Variants in SHROOM3 observed in about 807,000 individuals in gnomAD.
The protein encoded by SHROOM3 is shroom family member 3, also known as protein Shroom3.
SHROOM3 carries 47 observed loss-of-function variants against 138.6 expected under a neutral mutation model. The observed-to-expected ratio is 0.34, with a 90% confidence interval of 0.27 to 0.43. SHROOM3 has a LOEUF of 0.43. Among genes scored for constraint, SHROOM3 ranks in the 20% least tolerant of loss-of-function variants. SHROOM3 has a pLI of 1.00. For synonymous variants in SHROOM3, 1,062 were observed against 1,063.3 expected (o/e 1.00, Z 0.02); for missense variants, 2,491 against 2,596.5 (o/e 0.96, Z 0.88).
At chr4:76,555,898 T>C in intron 2 of SHROOM3, 135 bp downstream of exon 2, 1 of 954,596 alleles carries the variant, frequency 1.0e-6, no homozygotes, top group East Asian at 2.6e-5. Flanking sequence ...CTGCCTTTTT[T>C]TCTTTTTTCT....
rs61374645 is a variant in SHROOM3, at chr4:76,646,225, A to AATAAATATATATATATATATATAT, written c.324-63928_324-63927insAATATATATATATATATATATATA. On this transcript the variant is annotated intron_variant, in intron 2 of 10. Transcript: ENST00000296043. ...CCTAGAACTTAAAGTATAATAAATA[A>AATAAATATATATATATATATATAT]ATATATATATATATATATATATAAA... 2.8e-3 allele frequency among the ~76,000 whole-genome samples: 265 copies of AATAAATATATATATATATATATAT among 95,940 alleles called. 1 individual carries two copies. The highest frequency in any genetic ancestry group is 9.0e-3 in the South Asian group (22 of 2,458). The allele number at this position is 95,940 out of a possible 152,430, so 62.9% of individuals were successfully genotyped here.
chr4:76,531,760 A>G (rs930293201), intron 1 of SHROOM3, among the ~76,000 whole-genome samples: 1 of 152,198 alleles, frequency 6.6e-6, no homozygotes, highest in Non-Finnish European at 1.5e-5. Flanking sequence ...AAAGATAATT[A>G]ATTCCAAACT....
chr4:76,778,765 C>A, intron 10 of SHROOM3, 44 bp from the exon 11 acceptor site: 1 of 1,611,606 alleles, frequency 6.2e-7, no homozygotes, highest in Non-Finnish European at 8.5e-7. Flanking sequence ...GCTCTTTTCT[C>A]CCTTTCCCTG....
intron 2 of SHROOM3, among the ~76,000 whole-genome samples, chr4:76,587,963 C>T (rs193014894): frequency 8.7e-4 from 132 of 152,266 alleles, no homozygotes; most frequent in African/African-American, 3.0e-3. Context: ...ATATATAAAT[C>T]AAAGGTAATT....
At chr4:76,477,675 T>C (rs1044705431) in intron 1 of SHROOM3, among the ~76,000 whole-genome samples, 1 of 152,194 alleles carries the variant, frequency 6.6e-6, no homozygotes, top group African/African-American at 2.4e-5. Flanking sequence ...GATGTGATTT[T>C]GTGGCTGGCA....
chr4:76,538,768 A>T (rs1380871915), intron 1 of SHROOM3, among the ~76,000 whole-genome samples: 1 of 152,204 alleles, frequency 6.6e-6, no homozygotes, highest in African/African-American at 2.4e-5. Context: ...ATTTGGCCAT[A>T]TCTGCAGATG....
At position 76,741,810 on chromosome 4, in the gene SHROOM3, G is replaced by C. The variant is rs768772906; in HGVS notation, c.3637G>C (p.Gly1213Arg). 2.5e-6 allele frequency: 4 copies of C among 1,588,032 alleles called. No homozygotes were observed. In the Admixed American group the frequency reaches 7.1e-5, roughly 28 times the overall value. Residue 1213 changes from glycine to arginine, a missense_variant, in exon 5 of 11, where the codon GGG becomes CGG. By Grantham distance (125) the Gly-to-Arg change is moderately radical. Around this residue, in one of 4 missense-constraint regions of SHROOM3, gnomAD observed 1,733 missense variants for 1,661.6 expected, o/e 1.04. Transcript: ENST00000296043. The surrounding 1 kb of genome is among the most constrained non-coding windows in gnomAD (Gnocchi z 6.2). ...DETPREPSSW[G>R]ARAGKSMSAE... ...GACCCCCAGGGAGCCATCCTCCTGG[G>C]GGGCCAGGGCCGGGAAGTCCATGTC...
chr4:76,516,564 C>A (rs1419711581), intron 1 of SHROOM3, among the ~76,000 whole-genome samples: 1 of 151,742 alleles, frequency 6.6e-6, no homozygotes, highest in Non-Finnish European at 1.5e-5. Context: ...CAGCACTTTG[C>A]TCATAATATA....
chr4:76,591,885 G>A (rs1252310377), intron 2 of SHROOM3, among the ~76,000 whole-genome samples: 2 of 152,182 alleles, frequency 1.3e-5, no homozygotes, highest in African/African-American at 4.8e-5. Context: ...GTTTGGAGCT[G>A]TGAATAAAAG....
intron 2 of SHROOM3, among the ~76,000 whole-genome samples, chr4:76,680,559 A>G (rs996772122): frequency 3.3e-5 from 5 of 152,204 alleles, no homozygotes; most frequent in African/African-American, 1.2e-4. Context: ...CTCCCACATA[A>G]TCGTCACTCA....
intron 1 of SHROOM3, among the ~76,000 whole-genome samples, chr4:76,480,190 G>A (rs1190502890): frequency 6.6e-6 from 1 of 152,180 alleles, no homozygotes; most frequent in Non-Finnish European, 1.5e-5. Flanking sequence ...GACACAGACT[G>A]GCAAATTGGA....
At chr4:76,606,934 A>G (rs78020015) in intron 2 of SHROOM3, among the ~76,000 whole-genome samples, 1 of 152,242 alleles carries the variant, frequency 6.6e-6, no homozygotes, top group African/African-American at 2.4e-5. Context: ...CATATTTTTT[A>G]CCAAATCAGC....
intron 2 of SHROOM3, among the ~76,000 whole-genome samples, chr4:76,690,635 T>C (rs532708121): frequency 2.0e-5 from 3 of 152,334 alleles, no homozygotes; most frequent in African/African-American, 7.2e-5. Flanking sequence ...GCTAGATCTT[T>C]CCCCCAAAAA....
chr4:76,662,844 T>C (rs543216330), intron 2 of SHROOM3, among the ~76,000 whole-genome samples: 1 of 151,708 alleles, frequency 6.6e-6, no homozygotes, highest in African/African-American at 2.4e-5. Flanking sequence ...ATTGCGACAG[T>C]GTGCTCCAGC....
intron 9 of SHROOM3, among the ~76,000 whole-genome samples, chr4:76,766,914 T>G (rs1488962357): frequency 6.6e-6 from 1 of 152,170 alleles, no homozygotes; most frequent in Admixed American, 6.5e-5. Context: ...CAGCAAATAT[T>G]AATAACTTTC....
chr4:76,622,752 T>C (rs1001464799), intron 2 of SHROOM3, among the ~76,000 whole-genome samples: 3 of 152,146 alleles, frequency 2.0e-5, no homozygotes, highest in African/African-American at 2.4e-5. Flanking sequence ...ATATTTTTAT[T>C]GTTCCCTACC....
intron 2 of SHROOM3, among the ~76,000 whole-genome samples, chr4:76,595,398 G>A (rs1038952981): frequency 6.6e-6 from 1 of 152,160 alleles, no homozygotes; most frequent in African/African-American, 2.4e-5. Flanking sequence ...CTCCAGGTTT[G>A]TCTGTGTTTT....
At chr4:76,537,062 G>A (rs551459714) in intron 1 of SHROOM3, among the ~76,000 whole-genome samples, 9 of 152,232 alleles carry the variant, frequency 5.9e-5, no homozygotes, top group African/African-American at 1.4e-4. Flanking sequence ...GCAGTGAGCC[G>A]AGATCGCACC....
At chr4:76,521,359 T>C (rs939529711) in intron 1 of SHROOM3, among the ~76,000 whole-genome samples, 12 of 152,192 alleles carry the variant, frequency 7.9e-5, no homozygotes, top group Non-Finnish European at 1.3e-4. Context: ...TCAGAATTAT[T>C]TTATGATGTT....
Sources: allele counts gnomAD v4.1 joint callset (sites outside exome capture counted in the v4.1 genomes callset), GRCh38; gene constraint gnomAD v4.1.1; regional missense constraint gnomAD v4.1.1; non-coding constraint Gnocchi (gnomAD v3.1); transcripts MANE v1.5; gene names NCBI Gene and HGNC (gene_info 2026-07-23, HGNC 2026-07-21).